Variants in SMAD3 observed in about 807,000 individuals in gnomAD.
SMAD3 encodes SMAD family member 3, also known as MAD homolog 3.
A neutral mutation model predicts 51.8 loss-of-function variants in SMAD3; 12 were observed. The ratio of observed to expected loss-of-function variants is 0.23; its 90% CI spans 0.15 to 0.38. SMAD3 has a LOEUF of 0.38. Among genes scored for constraint, SMAD3 ranks in the 10% least tolerant of loss-of-function variants. The probability of loss-of-function intolerance (pLI) is 1.00; values close to 1 mark genes in which losing one functional copy is unlikely to be tolerated. For synonymous variants in SMAD3, 238 were observed against 227.7 expected (o/e 1.05, Z -0.41); for missense variants, 294 against 565.6 (o/e 0.52, Z 4.87).
At chr15:67,179,730 A>C (rs1963001383) in intron 5 of SMAD3, among the ~76,000 whole-genome samples, 1 of 152,128 alleles carries the variant, frequency 6.6e-6, no homozygotes, top group Non-Finnish European at 1.5e-5. Context: ...AGAAGGTCTG[A>C]TGAGCAGGGA....
At chr15:67,180,108 G>C (rs1389746983) in intron 5 of SMAD3, among the ~76,000 whole-genome samples, 2 of 152,222 alleles carry the variant, frequency 1.3e-5, no homozygotes, top group African/African-American at 4.8e-5. Flanking sequence ...GCATCAAGCA[G>C]AGTGTCGTAG....
chr15:67,131,273 A>G (rs1961519037), intron 1 of SMAD3, among the ~76,000 whole-genome samples: 1 of 152,176 alleles, frequency 6.6e-6, no homozygotes, highest in Admixed American at 6.5e-5. Flanking sequence ...GTCCCTTGCC[A>G]CAGGTCACAT....
chr15:67,125,179 G>A (rs555147781), intron 1 of SMAD3, among the ~76,000 whole-genome samples: 2 of 152,324 alleles, frequency 1.3e-5, no homozygotes, highest in East Asian at 3.9e-4. Flanking sequence ...CTGCTGGGCC[G>A]GACCTTCCCC....
chr15:67,086,209 A>C (rs770657598), intron 1 of SMAD3, among the ~76,000 whole-genome samples: 9 of 152,134 alleles, frequency 5.9e-5, no homozygotes, highest in Non-Finnish European at 1.3e-4. Context: ...CCTTAGTGTC[A>C]GTTCTTTGGC....
intron 8 of SMAD3, among the ~76,000 whole-genome samples, chr15:67,189,393 G>A (rs972600415): frequency 1.3e-5 from 2 of 152,198 alleles, no homozygotes; most frequent in African/African-American, 4.8e-5. Context: ...TGGCATTGCA[G>A]CTCTCCCGCT....
At chr15:67,100,565 T>C (rs535625458) in intron 1 of SMAD3, among the ~76,000 whole-genome samples, 22 of 152,220 alleles carry the variant, frequency 1.4e-4, no homozygotes, top group Middle Eastern at 3.4e-3. Context: ...TTAATTACAA[T>C]ATTAATATAT....
chr15:67,164,813 T>A, intron 1 of SMAD3, 82 bp from the exon 2 acceptor site: 1 of 1,425,794 alleles, frequency 7.0e-7, no homozygotes, highest in Non-Finnish European at 9.9e-7. Context: ...TTTCCAAGTG[T>A]CTGAAAGTAG....
intron 5 of SMAD3, among the ~76,000 whole-genome samples, chr15:67,177,793 T>TAC (rs569683033): frequency 2.4e-3 from 369 of 151,972 alleles, no homozygotes; most frequent in Middle Eastern, 0.024. Flanking sequence ...GTGGTGACCA[T>TAC]ACTTTCTGGT....
chr15:67,109,215 C>T (rs1320379697), intron 1 of SMAD3, among the ~76,000 whole-genome samples: 1 of 152,164 alleles, frequency 6.6e-6, no homozygotes, highest in Non-Finnish European at 1.5e-5. Context: ...ACATAATTTT[C>T]ATTGTAAGTT....
At chr15:67,086,146 GC>G (rs1411982861) in intron 1 of SMAD3, among the ~76,000 whole-genome samples, 1 of 152,092 alleles carries the variant, frequency 6.6e-6, no homozygotes, top group East Asian at 1.9e-4. Context: ...CCTTACAAAT[GC>G]CCACACTTTT....
rs895360420 is a variant in SMAD3, at chr15:67,165,159, C to G, written c.400+71C>G. On this transcript the variant is annotated intron_variant, in intron 2 of 8. Coordinates refer to ENST00000327367, the MANE Select transcript of SMAD3 (RefSeq NM_005902.4). Reference sequence around the variant, plus strand: ...ATCACCTCTCCCCGGCTCCCCATCCCCCCGAGGGTCTGCGGTGCACTTGGG... The same window carrying G: ...ATCACCTCTCCCCGGCTCCCCATCCGCCCGAGGGTCTGCGGTGCACTTGGG... 5 of 1,611,692 alleles carry G rather than the reference C, an allele frequency of 3.1e-6. No homozygotes were observed. The African/African-American group carries it at 4.0e-5, about 13-fold the overall frequency.
At chr15:67,140,806 A>G (rs888317076) in intron 1 of SMAD3, among the ~76,000 whole-genome samples, 1 of 152,206 alleles carries the variant, frequency 6.6e-6, no homozygotes, top group African/African-American at 2.4e-5. Context: ...AGGTGTTCAC[A>G]GGGACAGACA....
intron 1 of SMAD3, among the ~76,000 whole-genome samples, chr15:67,118,498 G>A (rs1331035765): frequency 2.0e-5 from 3 of 152,200 alleles, no homozygotes; most frequent in Non-Finnish European, 4.4e-5. Context: ...TGGGTCCAAA[G>A]GTGTGTCATT....
At chr15:67,136,624 C>G (rs1263937085) in intron 1 of SMAD3, among the ~76,000 whole-genome samples, 1 of 152,222 alleles carries the variant, frequency 6.6e-6, no homozygotes, top group African/African-American at 2.4e-5. Flanking sequence ...AGCCACTGCA[C>G]CCGGCCCAGA....
chr15:67,186,485 C>G (rs935372645), intron 7 of SMAD3, among the ~76,000 whole-genome samples: 1 of 152,206 alleles, frequency 6.6e-6, no homozygotes, highest in African/African-American at 2.4e-5. Context: ...AAGCGACCAG[C>G]TCAGAGTCAC....
chr15:67,142,119 G>A (rs983057384), intron 1 of SMAD3, among the ~76,000 whole-genome samples: 8 of 151,086 alleles, frequency 5.3e-5, no homozygotes, highest in Non-Finnish European at 1.0e-4. Flanking sequence ...GTCATCCCCC[G>A]CTCTTTTACC....
chr15:67,175,660 G>A (rs1399087382), intron 5 of SMAD3, among the ~76,000 whole-genome samples: 6 of 152,192 alleles, frequency 3.9e-5, no homozygotes, highest in African/African-American at 7.2e-5. Context: ...AAGTTGCCCC[G>A]TGAGTCAGGG....
At chr15:67,136,397 A>G (rs191784959) in intron 1 of SMAD3, among the ~76,000 whole-genome samples, 43 of 150,538 alleles carry the variant, frequency 2.9e-4, no homozygotes, top group African/African-American at 1.0e-3. Flanking sequence ...CAGTGGTGCA[A>G]TCTCGGCTCA....
At chr15:67,117,480 A>G (rs897242277) in intron 1 of SMAD3, among the ~76,000 whole-genome samples, 12 of 152,158 alleles carry the variant, frequency 7.9e-5, no homozygotes, top group Non-Finnish European at 1.5e-4. Context: ...GTTCCAGCCC[A>G]GTGCCACCCC....
Sources: allele counts gnomAD v4.1 joint callset (sites outside exome capture counted in the v4.1 genomes callset), GRCh38; gene constraint gnomAD v4.1.1; transcripts MANE v1.5; gene names NCBI Gene and HGNC (gene_info 2026-07-23, HGNC 2026-07-21).